SLC17A6: variants seen among roughly 807,000 people sequenced by gnomAD.
SLC17A6 encodes the protein solute carrier family 17 member 6, also known as vesicular glutamate transporter 2.
Under a neutral mutation model 67.1 loss-of-function variants are expected in SLC17A6, and 35 were observed. The observed-to-expected ratio is 0.52, with a 90% CI of 0.40 to 0.69. The LOEUF (loss-of-function observed/expected upper bound fraction) is 0.69. Ranked by LOEUF, SLC17A6 falls within the 30% of genes least tolerant of loss-of-function variation. The probability of loss-of-function intolerance (pLI) is 0.00; values close to 1 mark genes in which losing one functional copy is unlikely to be tolerated. For missense variants in SLC17A6, 588 were observed against 723.9 expected, an observed-to-expected ratio of 0.81 and a Z score of 2.15; for synonymous variants, 285 against 252.3, an observed-to-expected ratio of 1.13 and a Z score of -1.23.
chr11:22,343,462 T>G, intron 3 of SLC17A6, 97 bp downstream of exon 3: 1 of 1,026,182 alleles, frequency 9.7e-7, no homozygotes, highest in Non-Finnish European at 1.4e-6. Flanking sequence ...CAGAGGGGTT[T>G]GAGGACTCCC....
intron 3 of SLC17A6, among the ~76,000 whole-genome samples, chr11:22,353,224 T>C (rs1410457049): frequency 1.3e-5 from 2 of 152,202 alleles, no homozygotes; most frequent in African/African-American, 4.8e-5. Context: ...TTTTTTGAAG[T>C]ATGGAAACAT....
Position 22,370,131 on chromosome 11 carries a change from A to G in SLC17A6, c.984A>G (p.Leu328=). The G allele has an allele frequency of 6.2e-7, 1 of 1,612,132 alleles. No individual in the cohort carries two copies. Among genetic ancestry groups the G allele is most frequent in the Non-Finnish European group, 8.5e-7 (1 of 1,179,052 alleles). ...ANFCRSWTFY[L]LLISQPAYFE... ...TCTGCAGAAGCTGGACTTTTTATTT[A>G]TTGCTTATTAGTCAGCCAGCATATT... Residue 328 remains leucine, a synonymous_variant, in exon 8 of 12, where the codon TTA becomes TTG. Transcript: ENST00000263160.
intron 1 of SLC17A6, among the ~76,000 whole-genome samples, chr11:22,339,516 A>G (rs551339513): frequency 6.6e-6 from 1 of 152,262 alleles, no homozygotes; most frequent in South Asian, 2.1e-4. Flanking sequence ...TATACTAATT[A>G]TGCTGTAATT....
intron 4 of SLC17A6, 75 bp from the exon 5 acceptor site, chr11:22,360,822 G>A: frequency 8.0e-7 from 1 of 1,253,240 alleles, no homozygotes; most frequent in Non-Finnish European, 1.1e-6. Context: ...GAAGGGCAGG[G>A]AGGATTTGTA....
intron 7 of SLC17A6, among the ~76,000 whole-genome samples, chr11:22,367,142 A>G (rs1029633506): frequency 5.3e-5 from 8 of 152,118 alleles, no homozygotes; most frequent in African/African-American, 7.2e-5. Context: ...AGTTGAAGAA[A>G]CAATGCCCCT....
intron 5 of SLC17A6, chr11:22,362,323 G>A: frequency 2.8e-6 from 1 of 354,906 alleles, no homozygotes; most frequent in Non-Finnish European, 5.6e-6. Flanking sequence ...AATGAAGTCA[G>A]TAAAAGCTAC....
At chr11:22,341,917 C>A (rs1855820640) in intron 2 of SLC17A6, 137 bp downstream of exon 2, 1 of 1,316,574 alleles carries the variant, frequency 7.6e-7, no homozygotes, top group East Asian at 2.5e-5. Context: ...CTGGCTCTGC[C>A]GTTCTAGAAT....
Position 22,374,625 on chromosome 11 carries a change from T to C in SLC17A6, c.1042-130T>C, listed in dbSNP as rs1303969032. On this transcript the variant is annotated intron_variant, in intron 8 of 11. Coordinates refer to ENST00000263160, the MANE Select transcript of SLC17A6 (RefSeq NM_020346.3). ...ACTTTTTCTAGGAATGAGTAAGTGA[T>C]CATTTGGAAAGATTATTTTTCCTTC... 8.3e-6 allele frequency: 6 copies of C among 721,506 alleles called. No homozygotes were observed. In the Admixed American group the frequency reaches 8.8e-5, roughly 11 times the overall value. 44.7% of individuals were successfully genotyped at this position (721,506 alleles called of 1,614,324 possible). A position where few individuals can be genotyped will look rare whatever the true frequency, so the allele number is the denominator to read the frequency against.
chr11:22,351,128 C>A (rs1056364541), intron 3 of SLC17A6, among the ~76,000 whole-genome samples: 1 of 151,808 alleles, frequency 6.6e-6, no homozygotes, highest in Non-Finnish European at 1.5e-5. Context: ...TTTTACATTT[C>A]GGGAGGCAGG....
At position 22,362,837 on chromosome 11, in the gene SLC17A6, T is replaced by C. The variant is rs1318665638; in HGVS notation, c.748+12T>C. The C allele has an allele frequency of 6.2e-7, 1 of 1,605,178 alleles. No homozygotes were observed. Among genetic ancestry groups the C allele is most frequent in the East Asian group, 2.2e-5 (1 of 44,828 alleles). ...GTTTTATGTCTACGGTATGTTATAT[T>C]TCTATGCAATAGAGTTAAAGGAAAT... On this transcript the variant is annotated intron_variant, in intron 6 of 11. Coordinates refer to ENST00000263160, the MANE Select transcript of SLC17A6 (RefSeq NM_020346.3).
chr11:22,344,552 A>G (rs1359481869), intron 3 of SLC17A6, among the ~76,000 whole-genome samples: 1 of 152,202 alleles, frequency 6.6e-6, no homozygotes, highest in Admixed American at 6.5e-5. Context: ...TAAAATGTCA[A>G]GAGGAGAGTG....
intron 6 of SLC17A6, among the ~76,000 whole-genome samples, chr11:22,364,991 G>A (rs1440089297): frequency 6.6e-6 from 1 of 152,072 alleles, no homozygotes; most frequent in Non-Finnish European, 1.5e-5. Flanking sequence ...AAGTACAGAG[G>A]CCCACTTTTT....
Position 22,338,411 on chromosome 11 carries a change from C to T in SLC17A6, c.-123C>T. 18 of 673,054 alleles carry T rather than the reference C, an allele frequency of 2.7e-5. No homozygotes were observed. The South Asian group carries it at 3.4e-4, about 13-fold the overall frequency. The allele number at this position is 673,054 out of a possible 1,614,324, so 41.7% of individuals were successfully genotyped here. Reference sequence around the variant, plus strand: ...CACTCTTGCTGGAGGCGAGCCACTACCATTCTGCTGAGAAGGAAAAGCCCG... The same window carrying T: ...CACTCTTGCTGGAGGCGAGCCACTATCATTCTGCTGAGAAGGAAAAGCCCG... On this transcript the variant is annotated 5_prime_UTR_variant, in exon 1 of 12. Coordinates refer to ENST00000263160, the MANE Select transcript of SLC17A6 (RefSeq NM_020346.3).
At position 22,341,536 on chromosome 11, in the gene SLC17A6, A is replaced by G. The variant is rs778010228; in HGVS notation, c.95A>G (p.Glu32Gly). The G allele has an allele frequency of 6.2e-7, 1 of 1,613,516 alleles. No homozygotes were observed. Residue 32 changes from glutamate to glycine, a missense_variant, in exon 2 of 12, where the codon GAG (glutamate) becomes GGG (glycine). This residue lies in a region of SLC17A6 where 117 missense variants were observed against 98.7 expected (regional missense o/e 1.19). Transcript: ENST00000263160. Reference sequence around the variant, plus strand: ...CCTGCTCTGCCGCGCAGGGTGCTGGAGAAGAAGCAAGACACCGGGGAGACA... The same window carrying G: ...CCTGCTCTGCCGCGCAGGGTGCTGGGGAAGAAGCAAGACACCGGGGAGACA... ...KSLGQIYRVLEKKQDTGETIE... is the reference protein window; with the variant it reads ...KSLGQIYRVLGKKQDTGETIE...
At chr11:22,356,613 T>A (rs773604961) in intron 3 of SLC17A6, among the ~76,000 whole-genome samples, 7 of 152,178 alleles carry the variant, frequency 4.6e-5, no homozygotes, top group Non-Finnish European at 8.8e-5. Flanking sequence ...AGAGGGTGGA[T>A]CACTTGAGGT....
In SLC17A6 at chr11:22,339,171, T is replaced by C. The variant is rs1270262362; in HGVS notation, c.86+552T>C. On this transcript the variant is annotated intron_variant, in intron 1 of 11. Coordinates refer to ENST00000263160, the MANE Select transcript of SLC17A6 (RefSeq NM_020346.3). ...TATATAGTTATATATATATGTTATA[T>C]ATATATGTTTTATATATATATATAT... 1.4e-4 allele frequency among the ~76,000 whole-genome samples: 8 copies of C among 55,414 alleles called. 2 individuals are homozygous for C. The highest frequency in any genetic ancestry group is 6.1e-4 in the African/African-American group (8 of 13,028). 36.4% of individuals were successfully genotyped at this position (55,414 alleles called of 152,430 possible).
At chr11:22,360,848 A>G in intron 4 of SLC17A6, 49 bp from the exon 5 acceptor site, 3 of 1,522,794 alleles carry the variant, frequency 2.0e-6, no homozygotes, top group Admixed American at 1.7e-5. Flanking sequence ...TACTAAAAAG[A>G]CTCTTGATCC....
At chr11:22,357,563 C>T (rs770553113) in intron 3 of SLC17A6, among the ~76,000 whole-genome samples, 3 of 152,010 alleles carry the variant, frequency 2.0e-5, no homozygotes, top group Non-Finnish European at 1.5e-5. Context: ...GTTATCTACG[C>T]CCAAATTTCA....
intron 8 of SLC17A6, 74 bp downstream of exon 8, chr11:22,370,262 A>C: frequency 8.0e-7 from 1 of 1,246,570 alleles, no homozygotes; most frequent in Non-Finnish European, 1.1e-6. Flanking sequence ...CATTTGCAAA[A>C]ATTTTTATCT....
Sources: gnomAD v4.1 joint callset for allele counts (sites outside exome capture counted in the v4.1 genomes callset) on GRCh38, gnomAD v4.1.1 for gene constraint, gnomAD v4.1.1 regional missense constraint, MANE v1.5 for transcripts, NCBI Gene and HGNC (gene_info 2026-07-23, HGNC 2026-07-21) for gene names.